The following UTY variants were observed in gnomAD, a reference collection of about 807,000 sequenced individuals.
The protein encoded by UTY is histone demethylase UTY.
UTY carries 12 observed loss-of-function variants against 32.5 expected under a neutral mutation model. The ratio of observed to expected loss-of-function variants is 0.37; its 90% CI spans 0.24 to 0.60. UTY has a LOEUF of 0.60. UTY is among the 20% of genes least tolerant of loss of function. UTY has a pLI of 0.69. For synonymous variants in UTY, 131 were observed against 103.4 expected (o/e 1.27, Z -1.62); for missense variants, 303 against 299.2 (o/e 1.01, Z -0.09).
intron 27 of UTY, among the ~76,000 whole-genome samples, chrY:13,265,274 T>C: frequency 1.2e-4 from 4 of 34,066 alleles, no homozygotes; most frequent in African/African-American, 4.6e-4. Flanking sequence ...TCTAATTCTG[T>C]GAAGAAAGTC....
At chrY:13,415,594 TAC>T (rs2071564821) in intron 4 of UTY, among the ~76,000 whole-genome samples, 1 of 33,913 alleles carries the variant, frequency 2.9e-5, no homozygotes. Context: ...TGTTTAGATA[TAC>T]AAACACCATT....
intron 2 of UTY, among the ~76,000 whole-genome samples, chrY:13,471,037 G>A: frequency 3.0e-5 from 1 of 33,332 alleles, no homozygotes; most frequent in Non-Finnish European, 7.4e-5. Flanking sequence ...GGGAAAAACT[G>A]AATGAAAACA....
intron 18 of UTY, among the ~76,000 whole-genome samples, chrY:13,331,077 G>A (rs767878078): frequency 5.9e-5 from 2 of 33,899 alleles, no homozygotes; most frequent in East Asian, 1.6e-3. Context: ...CAGCTTCAAC[G>A]GGCTTAAACT....
At chrY:13,324,959 A>T in intron 19 of UTY, among the ~76,000 whole-genome samples, 1 of 33,362 alleles carries the variant, frequency 3.0e-5, no homozygotes, top group South Asian at 6.5e-4. Context: ...TAAAAATTAC[A>T]TTTTAAATTT....
intron 8 of UTY, among the ~76,000 whole-genome samples, chrY:13,385,176 T>C: frequency 3.0e-5 from 1 of 33,250 alleles, no homozygotes; most frequent in Non-Finnish European, 7.4e-5. Flanking sequence ...AATGAACTAG[T>C]GGAATTTGGA....
At chrY:13,465,032 G>T in intron 3 of UTY, among the ~76,000 whole-genome samples, 2 of 33,095 alleles carry the variant, frequency 6.0e-5, no homozygotes, top group African/African-American at 2.4e-4. Context: ...AGGTGGCAGT[G>T]AGCCGAGATC....
intron 21 of UTY, among the ~76,000 whole-genome samples, chrY:13,321,903 T>C (rs370517486): frequency 6.0e-5 from 2 of 33,080 alleles, no homozygotes; most frequent in East Asian, 7.9e-4. Flanking sequence ...AGAGTTTCAG[T>C]TTCAGATGAT....
chrY:13,384,626 A>AT (rs2066502572), intron 8 of UTY, among the ~76,000 whole-genome samples: 1 of 33,007 alleles, frequency 3.0e-5, no homozygotes, highest in African/African-American at 1.2e-4. Flanking sequence ...TCGCACCTCT[A>AT]TACTCTAGCC....
chrY:13,408,986 T>C (rs766736495), intron 6 of UTY, among the ~76,000 whole-genome samples: 1 of 33,478 alleles, frequency 3.0e-5, no homozygotes, highest in African/African-American at 1.1e-4. Flanking sequence ...ACCCTTTACA[T>C]ATGACTAAGC....
chrY:13,414,860 A>G, intron 4 of UTY, 67 bp from the exon 5 acceptor site: 1 of 199,120 alleles, frequency 5.0e-6, no homozygotes, highest in Non-Finnish European at 7.6e-6. Context: ...ACATATATTA[A>G]TAAGAAGTCA....
intron 4 of UTY, among the ~76,000 whole-genome samples, chrY:13,439,238 A>T: frequency 6.0e-5 from 2 of 33,104 alleles, no homozygotes; most frequent in African/African-American, 2.4e-4. Context: ...TTACCTTTAG[A>T]ATACAACTAG....
At chrY:13,331,115 A>G in intron 18 of UTY, among the ~76,000 whole-genome samples, 10 of 34,037 alleles carry the variant, frequency 2.9e-4, no homozygotes, top group Non-Finnish European at 7.3e-4. Flanking sequence ...TGAAGAGAGC[A>G]GTTGATCCTG....
chrY:13,474,331 T>G, intron 2 of UTY, among the ~76,000 whole-genome samples: 3 of 32,450 alleles, frequency 9.2e-5, no homozygotes, highest in Non-Finnish European at 7.5e-5. Context: ...ATAGGACATA[T>G]GTACAAAGTG....
intron 7 of UTY, chrY:13,396,243 G>A (rs2068209679): frequency 3.1e-5 from 1 of 32,513 alleles, no homozygotes; most frequent in South Asian, 6.9e-4. Context: ...CATTAAAAGG[G>A]AGTGTAATTA....
chrY:13,478,375 TTAAAAA>T (rs2079293115), intron 2 of UTY, among the ~76,000 whole-genome samples: 1 of 33,443 alleles, frequency 3.0e-5, no homozygotes, highest in Admixed American at 2.8e-4. Flanking sequence ...ACATATAGGT[TTAAAAA>T]TGCTGCTGTC....
downstream of UTY, among the ~76,000 whole-genome samples, chrY:13,245,165 CT>C (rs2053934546): frequency 3.0e-5 from 1 of 33,701 alleles, no homozygotes; most frequent in African/African-American, 1.2e-4. Flanking sequence ...AACGTAAAAT[CT>C]AAAAAATTAA....
chrY:13,287,128 A>C, intron 27 of UTY: 2 of 356,898 alleles, frequency 5.6e-6, no homozygotes, highest in Non-Finnish European at 8.1e-6. Context: ...TGTGGGTGTA[A>C]AGCCACTGCA....
At chrY:13,323,035 A>G in intron 21 of UTY, 1 of 209,139 alleles carries the variant, frequency 4.8e-6, no homozygotes, top group South Asian at 1.6e-4. Flanking sequence ...AAAATAAGGT[A>G]GATGTAAAGT....
chrY:13,235,552 T>G (rs1031188703), intron 28 of UTY, among the ~76,000 whole-genome samples: 2 of 33,536 alleles, frequency 6.0e-5, no homozygotes, highest in African/African-American at 1.2e-4. Context: ...GTGTATTTTC[T>G]GAGCAAAGTC....
Sources: gnomAD v4.1 joint callset for allele counts (sites outside exome capture counted in the v4.1 genomes callset) on GRCh38, gnomAD v4.1.1 for gene constraint, MANE v1.5 for transcripts, NCBI Gene and HGNC (gene_info 2026-07-23, HGNC 2026-07-21) for gene names.